Variants in ZKSCAN5 observed in about 807,000 individuals in gnomAD.
ZKSCAN5 encodes zinc finger protein with KRAB and SCAN domains 5.
ZKSCAN5 carries 28 observed loss-of-function variants against 60.0 expected under a neutral mutation model. The observed-to-expected ratio is 0.47, with a 90% confidence interval of 0.35 to 0.64. ZKSCAN5 has a LOEUF of 0.64. Among genes scored for constraint, ZKSCAN5 ranks in the 30% least tolerant of loss-of-function variants. The pLI, the probability that ZKSCAN5 is intolerant of heterozygous loss-of-function variation, is 0.01. For synonymous variants in ZKSCAN5, 361 were observed against 371.2 expected, an observed-to-expected ratio of 0.97 and a Z score of 0.31; for missense variants, 881 against 1,034.6, an observed-to-expected ratio of 0.85 and a Z score of 2.04.
At chr7:99,529,185 G>C (rs1801937885) in intron 6 of ZKSCAN5, among the ~76,000 whole-genome samples, 1 of 152,138 alleles carries the variant, frequency 6.6e-6, no homozygotes, top group Non-Finnish European at 1.5e-5. Flanking sequence ...CTGTCACCCA[G>C]GCTGGAGTGC....
chr7:99,529,768 C>T (rs929943739), intron 6 of ZKSCAN5, among the ~76,000 whole-genome samples: 2 of 152,010 alleles, frequency 1.3e-5, no homozygotes, highest in Non-Finnish European at 2.9e-5. Flanking sequence ...TGGAGTCTCG[C>T]TGTGTTGCCC....
intron 5 of ZKSCAN5, among the ~76,000 whole-genome samples, chr7:99,523,437 C>A (rs1447058510): frequency 6.6e-6 from 1 of 152,080 alleles, no homozygotes. Flanking sequence ...GCCTGGGCAA[C>A]ATAGTGAGAC....
chr7:99,524,174 G>T (rs755997147), intron 5 of ZKSCAN5, among the ~76,000 whole-genome samples: 1 of 151,418 alleles, frequency 6.6e-6, no homozygotes, highest in African/African-American at 2.4e-5. Context: ...GGGTTCAAGC[G>T]ATTCTCGTGC....
chr7:99,525,353 T>C (rs534201410), intron 5 of ZKSCAN5, among the ~76,000 whole-genome samples: 125 of 151,922 alleles, frequency 8.2e-4, no homozygotes, highest in African/African-American at 2.7e-3. Context: ...GCAACTGTAG[T>C]CCTAGCTACT....
At chr7:99,528,384 C>T (rs927251578) in intron 6 of ZKSCAN5, among the ~76,000 whole-genome samples, 1 of 152,142 alleles carries the variant, frequency 6.6e-6, no homozygotes, top group Non-Finnish European at 1.5e-5. Flanking sequence ...GGCTAGTTTC[C>T]CAGTGAATAC....
Position 99,526,284 on chromosome 7 carries a change from C to CCCA in ZKSCAN5, c.1247_1249dup (p.His416dup). On this transcript the variant is annotated inframe_insertion, in exon 6 of 7. Coordinates refer to ENST00000326775, the MANE Select transcript of ZKSCAN5 (RefSeq NM_145102.4). ...TGCGGAAAGGCTTTCCGGGTGAGTT[C>CCCA]CCACCTGGTTCAGCACCACAGTGTC... 2 of 1,613,274 alleles carry CCCA rather than the reference C, an allele frequency of 1.2e-6. No individual in the cohort carries two copies. The highest frequency in any genetic ancestry group is 1.7e-6 in the Non-Finnish European group (2 of 1,179,998).
At position 99,506,053 on chromosome 7, in the gene ZKSCAN5, G is replaced by A. The variant is rs1267879531; in HGVS notation, c.9G>A (p.Met3Ile). 2 of 1,612,986 alleles carry A rather than the reference G, an allele frequency of 1.2e-6. No homozygotes were observed. Among genetic ancestry groups the A allele is most frequent in the South Asian group, 2.2e-5 (2 of 90,962 alleles). Residue 3 changes from methionine (M) to isoleucine (I), a missense_variant, in exon 2 of 7, where the codon ATG becomes ATA. Coordinates refer to ENST00000326775, the MANE Select transcript of ZKSCAN5 (RefSeq NM_145102.4). MI[M>I]TESREVIDLD... ...CTTCCCTCTGAGTTGGAATGATAAT[G>A]ACCGAATCCCGAGAAGTTATAGACT...
chr7:99,519,929 C>T lies in ZKSCAN5; in HGVS notation c.636+20C>T. 6.2e-7 allele frequency: 1 copy of T among 1,612,864 alleles called. No homozygotes were observed. The highest frequency in any genetic ancestry group is 1.3e-5 in the African/African-American group (1 of 75,038). On this transcript the variant is annotated intron_variant, in intron 4 of 6. Transcript: ENST00000326775. ...TCCCAGGTGAGCTGGTGCCCCTTTG[C>T]CCTCAGAGAGGACCCATCCTGAACC...
rs1376571051 is a variant in ZKSCAN5 at position 99,517,993 on chromosome 7, A to G, written c.554-1834A>G. 2.6e-5 allele frequency among the ~76,000 whole-genome samples: 4 copies of G among 152,164 alleles called. No individual in the cohort carries two copies. The South Asian group carries it at 8.3e-4, about 31-fold the overall frequency. On this transcript the variant is annotated intron_variant, in intron 3 of 6. Transcript: ENST00000326775. The stretch of plus-strand genomic sequence containing the variant: ...TTGTCTATTCCTGAGATGGGCAGAG[A>G]GAGAGAGAATAGATTTAATACATAT...
At chr7:99,518,874 C>T (rs1263783723) in intron 3 of ZKSCAN5, among the ~76,000 whole-genome samples, 1 of 151,606 alleles carries the variant, frequency 6.6e-6, no homozygotes, top group Non-Finnish European at 1.5e-5. Context: ...TGAGGTTTCA[C>T]CATATTGGCC....
chr7:99,522,893 G>A (rs111559267), intron 5 of ZKSCAN5, among the ~76,000 whole-genome samples: 6 of 151,460 alleles, frequency 4.0e-5, no homozygotes, highest in Non-Finnish European at 8.8e-5. Context: ...GCTGGGCCGT[G>A]GTGTCTCATG....
chr7:99,507,541 A>ATATGTATATATATGTATATATATG (rs1800818655), intron 2 of ZKSCAN5, among the ~76,000 whole-genome samples: 7 of 142,078 alleles, frequency 4.9e-5, no homozygotes, highest in African/African-American at 1.7e-4. Context: ...GTATATATAT[A>ATATGTATATATATGTATATATATG]TGTATATATA....
chr7:99,511,891 G>T (rs1043561874), intron 2 of ZKSCAN5, among the ~76,000 whole-genome samples: 3 of 152,020 alleles, frequency 2.0e-5, no homozygotes, highest in Admixed American at 6.6e-5. Flanking sequence ...CCAGGTTCAT[G>T]CCATTCTCCT....
chr7:99,530,295 A>G (rs1429051616), intron 6 of ZKSCAN5, among the ~76,000 whole-genome samples: 1 of 152,090 alleles, frequency 6.6e-6, no homozygotes, highest in East Asian at 1.9e-4. Flanking sequence ...TCGGCCTCCC[A>G]TAGTGCTGGG....
At chr7:99,523,734 T>C (rs1801649882) in intron 5 of ZKSCAN5, among the ~76,000 whole-genome samples, 1 of 152,120 alleles carries the variant, frequency 6.6e-6, no homozygotes, top group South Asian at 2.1e-4. Flanking sequence ...ACATAAAAAG[T>C]CTGGTTTTGT....
intron 4 of ZKSCAN5, 104 bp from the exon 5 acceptor site, chr7:99,520,065 G>C: frequency 3.9e-6 from 6 of 1,525,644 alleles, no homozygotes; most frequent in Non-Finnish European, 5.4e-6. Context: ...CCTCTTTGAG[G>C]CACAGTTCCT....
Position 99,533,582 on chromosome 7 carries a change from C to T in ZKSCAN5, c.*1333C>T. ...TTGTTCTCCAGAAACTGGAGAATTG[C>T]CCTCAGGAGATGAGAGCCATCTCAC... On this transcript the variant is annotated 3_prime_UTR_variant, in exon 7 of 7. Transcript: ENST00000326775. The T allele has an allele frequency of 2.4e-6, 1 of 410,524 alleles. No individual in the cohort carries two copies. The highest frequency in any genetic ancestry group is 4.3e-6 in the Non-Finnish European group (1 of 233,004). 25.4% of individuals were successfully genotyped at this position (410,524 alleles called of 1,614,324 possible).
intron 6 of ZKSCAN5, among the ~76,000 whole-genome samples, chr7:99,530,798 T>C (rs528616026): frequency 6.6e-6 from 1 of 152,340 alleles, no homozygotes; most frequent in South Asian, 2.1e-4. Context: ...GGCTTAAACC[T>C]GTAATCCCAG....
chr7:99,514,701 A>G (rs548235832), intron 3 of ZKSCAN5, among the ~76,000 whole-genome samples: 3 of 151,670 alleles, frequency 2.0e-5, no homozygotes, highest in South Asian at 4.2e-4. Flanking sequence ...GAGGTCAGGA[A>G]TTTGAGACCA....
Sources: gnomAD v4.1 joint callset for allele counts (sites outside exome capture counted in the v4.1 genomes callset) on GRCh38, gnomAD v4.1.1 for gene constraint, MANE v1.5 for transcripts, NCBI Gene and HGNC (gene_info 2026-07-23, HGNC 2026-07-21) for gene names.